AK5: variants seen among roughly 807,000 people sequenced by gnomAD.
AK5 encodes the protein adenylate kinase 5, also known as adenylate kinase isoenzyme 5.
In AK5, 27 loss-of-function variants were observed where a neutral mutation model predicts 69.5. That is an observed-to-expected ratio of 0.39 (90% CI 0.29 to 0.54). The LOEUF (loss-of-function observed/expected upper bound fraction) is 0.54. Among genes scored for constraint, AK5 ranks in the 20% least tolerant of loss-of-function variants. The probability of loss-of-function intolerance (pLI) is 0.71; values close to 1 mark genes in which losing one functional copy is unlikely to be tolerated. For missense variants in AK5, 531 were observed against 700.4 expected, an observed-to-expected ratio of 0.76 and a Z score of 2.73; for synonymous variants, 260 against 244.4, an observed-to-expected ratio of 1.06 and a Z score of -0.60.
At chr1:77,552,827 C>T (rs969816970) in intron 13 of AK5, among the ~76,000 whole-genome samples, 1 of 152,156 alleles carries the variant, frequency 6.6e-6, no homozygotes, top group Non-Finnish European at 1.5e-5. Context: ...TGCTTGAGGT[C>T]AGGACTTCAA....
intron 8 of AK5, among the ~76,000 whole-genome samples, chr1:77,429,819 G>C (rs1382436820): frequency 6.6e-6 from 1 of 152,174 alleles, no homozygotes; most frequent in Non-Finnish European, 1.5e-5. Context: ...GTATGTATGA[G>C]AACAGGAAAG....
chr1:77,537,830 A>G (rs1015960386), intron 13 of AK5, among the ~76,000 whole-genome samples: 1 of 152,244 alleles, frequency 6.6e-6, no homozygotes, highest in African/African-American at 2.4e-5. Context: ...AATATGTGGC[A>G]TGAGAGACAT....
intron 6 of AK5, among the ~76,000 whole-genome samples, chr1:77,359,069 C>T (rs866497249): frequency 3.3e-5 from 5 of 151,990 alleles, no homozygotes; most frequent in Admixed American, 6.6e-5. Flanking sequence ...TCCTGGCTAA[C>T]GCGGTGAAAC....
intron 9 of AK5, among the ~76,000 whole-genome samples, chr1:77,486,010 G>A (rs1478464626): frequency 1.3e-5 from 2 of 152,198 alleles, no homozygotes; most frequent in Non-Finnish European, 2.9e-5. Flanking sequence ...AGCTATCCAG[G>A]AGCCTGAGAC....
intron 10 of AK5, among the ~76,000 whole-genome samples, chr1:77,493,601 C>G (rs2100741581): frequency 6.6e-6 from 1 of 152,316 alleles, no homozygotes; most frequent in South Asian, 2.1e-4. Context: ...ACTCTCCAGC[C>G]TTTGGCCTGG....
intron 6 of AK5, among the ~76,000 whole-genome samples, chr1:77,410,577 G>A (rs1649977460): frequency 9.8e-6 from 1 of 102,196 alleles, no homozygotes; most frequent in Non-Finnish European, 2.3e-5. Context: ...ACTGCACCCA[G>A]CCTCTTTGTG....
chr1:77,480,467 C>CT (rs1655188431), intron 8 of AK5, among the ~76,000 whole-genome samples: 1 of 152,148 alleles, frequency 6.6e-6, no homozygotes, highest in Non-Finnish European at 1.5e-5. Flanking sequence ...CAGATGGGCC[C>CT]TTTTACAGTG....
At chr1:77,307,270 A>G (rs1659692985) in intron 5 of AK5, among the ~76,000 whole-genome samples, 2 of 151,694 alleles carry the variant, frequency 1.3e-5, no homozygotes, top group Admixed American at 1.3e-4. Flanking sequence ...CTTTTGCTGT[A>G]TCCCATAGAT....
intron 10 of AK5, 123 bp from the exon 11 acceptor site, chr1:77,518,441 A>T (rs1449614771): frequency 9.9e-7 from 1 of 1,010,010 alleles, no homozygotes; most frequent in Admixed American, 2.6e-5. Context: ...TGGTATAGCA[A>T]ATCTCAAGTT....
At chr1:77,451,315 T>G (rs1451512589) in intron 8 of AK5, among the ~76,000 whole-genome samples, 3 of 152,236 alleles carry the variant, frequency 2.0e-5, no homozygotes, top group Non-Finnish European at 1.5e-5. Context: ...TTAATAATGT[T>G]ATAATCAGAT....
At chr1:77,517,489 C>T (rs1048301872) in intron 10 of AK5, among the ~76,000 whole-genome samples, 5 of 152,126 alleles carry the variant, frequency 3.3e-5, no homozygotes, top group African/African-American at 9.7e-5. Flanking sequence ...TCTGCTTCCT[C>T]GTCTGTAAAA....
chr1:77,377,574 A>G (rs529463580), intron 6 of AK5, among the ~76,000 whole-genome samples: 30 of 152,232 alleles, frequency 2.0e-4, no homozygotes, highest in Non-Finnish European at 3.2e-4. Flanking sequence ...TTTCCAACCA[A>G]TATCCACATG....
chr1:77,368,436 G>C (rs1257392989), intron 6 of AK5, among the ~76,000 whole-genome samples: 1 of 145,898 alleles, frequency 6.9e-6, no homozygotes, highest in Non-Finnish European at 1.5e-5. Context: ...TGTTGTACAT[G>C]AAACAAGGTT....
chr1:77,409,855 A>G (rs1212074442), intron 6 of AK5, among the ~76,000 whole-genome samples: 2 of 152,122 alleles, frequency 1.3e-5, no homozygotes, highest in Non-Finnish European at 2.9e-5. Flanking sequence ...GTTGTCTTCT[A>G]GGAATTTTAT....
At chr1:77,461,044 T>G (rs1201572062) in intron 8 of AK5, among the ~76,000 whole-genome samples, 1 of 150,362 alleles carries the variant, frequency 6.7e-6, no homozygotes, top group Non-Finnish European at 1.5e-5. Flanking sequence ...TTTTTTTTTT[T>G]TTTTTTTGAG....
At chr1:77,334,077 C>G (rs1661224716) in intron 5 of AK5, among the ~76,000 whole-genome samples, 1 of 152,078 alleles carries the variant, frequency 6.6e-6, no homozygotes, top group Admixed American at 6.6e-5. Flanking sequence ...AACTTTCTAT[C>G]CTGGATCATT....
chr1:77,399,090 AC>A (rs768539022), intron 6 of AK5, among the ~76,000 whole-genome samples: 3 of 152,138 alleles, frequency 2.0e-5, no homozygotes, highest in Non-Finnish European at 4.4e-5. Flanking sequence ...TATTTCAGCT[AC>A]CCCCAATAGA....
intron 5 of AK5, among the ~76,000 whole-genome samples, chr1:77,306,494 G>GTTTTT (rs869202567): frequency 8.3e-6 from 1 of 120,366 alleles, no homozygotes; most frequent in East Asian, 2.7e-4. Flanking sequence ...GTTTTTTTTT[G>GTTTTT]TTTTTTTTTT....
In AK5 at chr1:77,292,707, C is replaced by T. The variant is rs562189999; in HGVS notation, c.248-1086C>T. ...GAGTATGTCATTTGAATTTCTGACT[C>T]AGAGTCTTTGTACTGTTCCCACCAA... is the stretch of plus-strand genomic sequence containing the variant. On this transcript the variant is annotated intron_variant, in intron 2 of 13. Transcript: ENST00000354567. Among the ~76,000 whole-genome samples the T allele has an allele frequency of 5.3e-4, 80 of 152,306 alleles. 1 individual carries two copies. Among genetic ancestry groups the T allele is most frequent in the African/African-American group, 1.9e-3 (80 of 41,566 alleles).
Sources: allele counts gnomAD v4.1 joint callset (sites outside exome capture counted in the v4.1 genomes callset), GRCh38; gene constraint gnomAD v4.1.1; transcripts MANE v1.5; gene names NCBI Gene and HGNC (gene_info 2026-07-23, HGNC 2026-07-21).